Variants in LRP1B observed in about 807,000 individuals in gnomAD.
LRP1B encodes low-density lipoprotein receptor-related protein 1B.
LRP1B carries 217 observed loss-of-function variants against 556.6 expected under a neutral mutation model. The ratio of observed to expected loss-of-function variants is 0.39; its 90% CI spans 0.35 to 0.44. The LOEUF is 0.44. Ranked by LOEUF, LRP1B falls within the 20% of genes least tolerant of loss-of-function variation. The pLI is 1.00. For missense variants in LRP1B, 5,053 were observed against 5,620.8 expected, an observed-to-expected ratio of 0.90 and a Z score of 3.23; for synonymous variants, 2,047 against 1,865.8, an observed-to-expected ratio of 1.10 and a Z score of -2.50.
chr2:141,150,914 T>TG (rs1558894867), intron 7 of LRP1B, among the ~76,000 whole-genome samples: 33 of 151,000 alleles, frequency 2.2e-4, no homozygotes, highest in Admixed American at 4.0e-4. Context: ...TGTGTGTGTG[T>TG]TTGCCATGCT....
chr2:141,561,072 T>C (rs537219142), intron 2 of LRP1B, among the ~76,000 whole-genome samples: 263 of 151,860 alleles, frequency 1.7e-3, no homozygotes, highest in African/African-American at 6.0e-3. Context: ...AGGGTAGAAC[T>C]TGGTTAAAGA....
intron 66 of LRP1B, among the ~76,000 whole-genome samples, chr2:140,434,333 A>T (rs1686082967): frequency 1.3e-5 from 2 of 151,966 alleles, no homozygotes; most frequent in Non-Finnish European, 2.9e-5. Flanking sequence ...GCCTCCCAAA[A>T]TGCTGGGATT....
chr2:141,012,194 T>G (rs1024704659), intron 14 of LRP1B, among the ~76,000 whole-genome samples: 1 of 152,006 alleles, frequency 6.6e-6, no homozygotes, highest in African/African-American at 2.4e-5. Context: ...CTAAAGCAAC[T>G]GGAAGCTTAA....
chr2:140,393,528 GAT>G (rs1232886802), intron 66 of LRP1B, among the ~76,000 whole-genome samples: 2 of 151,892 alleles, frequency 1.3e-5, no homozygotes, highest in African/African-American at 4.8e-5. Flanking sequence ...GGGATTAAGA[GAT>G]ATTGGAAATA....
At chr2:141,691,564 C>CT (rs1446411740) in intron 2 of LRP1B, among the ~76,000 whole-genome samples, 1 of 150,416 alleles carries the variant, frequency 6.6e-6, no homozygotes, top group East Asian at 2.0e-4. Flanking sequence ...GGATCCCATA[C>CT]TTTCAGTATG....
At chr2:141,897,136 C>T (rs757381314) in intron 1 of LRP1B, among the ~76,000 whole-genome samples, 2 of 152,030 alleles carry the variant, frequency 1.3e-5, no homozygotes, top group African/African-American at 2.4e-5. Context: ...AATCTTAGTC[C>T]TCTGAGTTTA....
rs541195379 is a variant in LRP1B at position 142,097,883 on chromosome 2, A to C, written c.82+32765T>G. 2.5e-4 allele frequency among the ~76,000 whole-genome samples: 38 copies of C among 151,770 alleles called. 1 individual carries two copies. In the South Asian group the frequency reaches 3.7e-3, roughly 15 times the overall value. On this transcript the variant is annotated intron_variant, in intron 1 of 90. Coordinates refer to ENST00000389484, the MANE Select transcript of LRP1B (RefSeq NM_018557.3). Reference sequence around the variant, plus strand: ...TAAATAATGTATCGACAACAGATTGAGTTTTTATAGGTCTTGGCTCCCTTT... The same window carrying C: ...TAAATAATGTATCGACAACAGATTGCGTTTTTATAGGTCTTGGCTCCCTTT...
chr2:141,005,426 GC>G lies in LRP1B; in HGVS notation c.2411del (p.Gly804AlafsTer68). On this transcript the variant is annotated frameshift_variant, in exon 15 of 91. Transcript: ENST00000389484. LOFTEE classifies it high-confidence loss of function. ...GGATAGCCAAGCAAAGTGTACTACA[GC>G]CCCCATTATTTACTCGGCACATATT... ...GDNMCRVNNG[G>X]CSTLCLAIPG... 6.2e-7 allele frequency: 1 copy of G among 1,611,298 alleles called. No individual in the cohort carries two copies. Among genetic ancestry groups the G allele is most frequent in the Non-Finnish European group, 8.5e-7 (1 of 1,178,156 alleles).
chr2:140,582,421 G>T (rs1469317935), intron 43 of LRP1B, among the ~76,000 whole-genome samples: 1 of 152,116 alleles, frequency 6.6e-6, no homozygotes, highest in Non-Finnish European at 1.5e-5. Context: ...CCCAAAGCAG[G>T]GTTATAATTG....
intron 2 of LRP1B, among the ~76,000 whole-genome samples, chr2:141,688,515 G>T (rs751807981): frequency 1.3e-5 from 2 of 151,848 alleles, no homozygotes; most frequent in African/African-American, 2.4e-5. Flanking sequence ...ATGAAGTCAA[G>T]CAAGTTGGGG....
intron 2 of LRP1B, among the ~76,000 whole-genome samples, chr2:141,491,120 G>C (rs1574008133): frequency 6.6e-6 from 1 of 152,054 alleles, no homozygotes; most frequent in East Asian, 1.9e-4. Flanking sequence ...TTTGAGGGAA[G>C]GACAATTGTT....
At chr2:140,416,562 G>T (rs866881395) in intron 66 of LRP1B, among the ~76,000 whole-genome samples, 1 of 152,008 alleles carries the variant, frequency 6.6e-6, no homozygotes, top group African/African-American at 2.4e-5. Flanking sequence ...AGGCTGAGGT[G>T]GGAGTATGGC....
At chr2:140,828,789 CAAAAAAA>C (rs57621380) in intron 31 of LRP1B, among the ~76,000 whole-genome samples, 1,722 of 7,606 alleles carry the variant, frequency 0.23, 71 homozygotes, top group South Asian at 0.34. Flanking sequence ...GACTCCGTCT[CAAAAAAA>C]AAAAAAAAAA....
intron 7 of LRP1B, among the ~76,000 whole-genome samples, chr2:141,127,964 T>C (rs1701258017): frequency 6.6e-6 from 1 of 152,194 alleles, no homozygotes; most frequent in Non-Finnish European, 1.5e-5. Flanking sequence ...GTGGTGAAAT[T>C]ATGAGAAATC....
chr2:141,315,536 G>A (rs913186037), intron 3 of LRP1B, among the ~76,000 whole-genome samples: 1 of 151,836 alleles, frequency 6.6e-6, no homozygotes, highest in Non-Finnish European at 1.5e-5. Flanking sequence ...TGGGATTACA[G>A]GTGTGAGCCA....
At chr2:140,833,370 A>T (rs1442858246) in intron 31 of LRP1B, among the ~76,000 whole-genome samples, 3 of 152,168 alleles carry the variant, frequency 2.0e-5, no homozygotes, top group Non-Finnish European at 4.4e-5. Context: ...CACTTGGCAA[A>T]CATTTATTTC....
chr2:140,692,560 T>C (rs1686282645), intron 41 of LRP1B, among the ~76,000 whole-genome samples: 1 of 152,146 alleles, frequency 6.6e-6, no homozygotes, highest in Non-Finnish European at 1.5e-5. Flanking sequence ...TCTCACTGTT[T>C]CATTATAAAT....
intron 86 of LRP1B, among the ~76,000 whole-genome samples, chr2:140,247,923 C>T (rs776075687): frequency 2.0e-5 from 3 of 151,560 alleles, no homozygotes; most frequent in Non-Finnish European, 4.4e-5. Context: ...ACATAAGATG[C>T]CTTTGTGCAT....
intron 32 of LRP1B, among the ~76,000 whole-genome samples, chr2:140,792,015 C>T (rs1690137957): frequency 6.6e-6 from 1 of 152,190 alleles, no homozygotes; most frequent in Admixed American, 6.5e-5. Context: ...AGGAGAATGA[C>T]TCATTCCCTG....
Sources: allele counts gnomAD v4.1 joint callset (sites outside exome capture counted in the v4.1 genomes callset), GRCh38; gene constraint gnomAD v4.1.1; transcripts MANE v1.5; gene names NCBI Gene and HGNC (gene_info 2026-07-23, HGNC 2026-07-21).